Variants in GDPD1 observed in about 807,000 individuals in gnomAD.
GDPD1 encodes the protein glycerophosphodiester phosphodiesterase domain containing 1, also known as lysophospholipase D GDPD1.
A neutral mutation model predicts 45.1 loss-of-function variants in GDPD1; 28 were observed. That is an observed-to-expected ratio of 0.62 (90% CI 0.46 to 0.85). The LOEUF is 0.85. GDPD1 is among the 40% of genes least tolerant of loss of function. The pLI is 0.00. For synonymous variants in GDPD1, 139 were observed against 131.4 expected (o/e 1.06, Z -0.40); for missense variants, 256 against 364.8 (o/e 0.70, Z 2.43).
intron 2 of GDPD1, among the ~76,000 whole-genome samples, chr17:59,245,112 T>C (rs1241993846): frequency 6.6e-6 from 1 of 152,236 alleles, no homozygotes; most frequent in Non-Finnish European, 1.5e-5. Context: ...CCCAAAGTTA[T>C]GCAAATTCAC....
intron 3 of GDPD1, among the ~76,000 whole-genome samples, chr17:59,247,748 G>GC (rs1250297244): frequency 6.6e-6 from 1 of 151,652 alleles, no homozygotes; most frequent in African/African-American, 2.4e-5. Flanking sequence ...TCCTGCCTCA[G>GC]CCCCCCCAAA....
chr17:59,233,539 A>G (rs2047108639), intron 1 of GDPD1, among the ~76,000 whole-genome samples: 1 of 151,988 alleles, frequency 6.6e-6, no homozygotes, highest in East Asian at 1.9e-4. Context: ...AGAAAGAAAA[A>G]ACAAAAACAA....
chr17:59,247,538 C>T (rs566872902), intron 3 of GDPD1, among the ~76,000 whole-genome samples: 2 of 152,238 alleles, frequency 1.3e-5, no homozygotes, highest in South Asian at 4.2e-4. Flanking sequence ...TATAGTTATT[C>T]TCCTGTGTGG....
intron 6 of GDPD1, among the ~76,000 whole-genome samples, chr17:59,264,552 A>G (rs1237852681): frequency 6.6e-6 from 1 of 152,222 alleles, no homozygotes; most frequent in East Asian, 1.9e-4. Flanking sequence ...TTGGCCTCCC[A>G]AAGTGCTGGG....
chr17:59,262,618 A>G (rs2047365242), intron 6 of GDPD1, among the ~76,000 whole-genome samples: 2 of 147,326 alleles, frequency 1.4e-5, no homozygotes, highest in Non-Finnish European at 3.0e-5. Context: ...ACGGCTTTGT[A>G]TCTTGGTTTT....
intron 6 of GDPD1, among the ~76,000 whole-genome samples, chr17:59,260,084 A>G (rs2047343552): frequency 6.7e-6 from 1 of 148,268 alleles, no homozygotes; most frequent in South Asian, 2.2e-4. Context: ...AAAAAAAAAA[A>G]AAAAAAAAAA....
chr17:59,274,512 CAAAAAAAAA>C lies in GDPD1; in HGVS notation c.*755_*763del, dbSNP rs35411377. 0.42 allele frequency: 28,561 copies of C among 68,170 alleles called. 3,711 individuals are homozygous for C. Among genetic ancestry groups the C allele is most frequent in the African/African-American group, 0.5 (10,527 of 21,114 alleles). 4.2% of individuals were successfully genotyped at this position (68,170 alleles called of 1,614,324 possible). On this transcript the variant is annotated 3_prime_UTR_variant, in exon 10 of 10. Coordinates refer to ENST00000284116, the MANE Select transcript of GDPD1 (RefSeq NM_182569.4). ...TGGGAGACAGAGTGAGACTCCGTCT[CAAAAAAAAA>C]AAAAAAAAAAAAAAATGGGAGGCCG...
At chr17:59,252,509 G>C (rs1286794916) in intron 4 of GDPD1, among the ~76,000 whole-genome samples, 1 of 151,890 alleles carries the variant, frequency 6.6e-6, no homozygotes, top group Non-Finnish European at 1.5e-5. Context: ...AAAGGGCTGG[G>C]ATTAGTCATG....
intron 4 of GDPD1, among the ~76,000 whole-genome samples, chr17:59,253,560 G>A (rs1397358109): frequency 1.3e-5 from 2 of 152,010 alleles, no homozygotes; most frequent in African/African-American, 4.8e-5. Context: ...ACACATTTTA[G>A]TTTTCTCATT....
chr17:59,261,465 GA>G (rs1430304358), intron 6 of GDPD1, among the ~76,000 whole-genome samples: 1 of 151,688 alleles, frequency 6.6e-6, no homozygotes, highest in Non-Finnish European at 1.5e-5. Flanking sequence ...ACCTATAAAT[GA>G]TTTTTTTTAA....
At chr17:59,267,596 C>T (rs2047408216) in intron 7 of GDPD1, among the ~76,000 whole-genome samples, 1 of 151,632 alleles carries the variant, frequency 6.6e-6, no homozygotes, top group South Asian at 2.1e-4. Flanking sequence ...CCACCACCAC[C>T]ATAAAAACCT....
chr17:59,269,486 CA>C (rs1202072441), intron 7 of GDPD1, among the ~76,000 whole-genome samples: 54 of 135,244 alleles, frequency 4.0e-4, no homozygotes, highest in African/African-American at 1.5e-3. Flanking sequence ...CCCCCCCCCC[CA>C]AAAAACACCC....
rs749077536 is a variant in GDPD1 at position 59,246,709 on chromosome 17, C to CAAAAAAAAA, written c.321+1175_321+1183dup. Among the ~76,000 whole-genome samples, 8 of 27,560 alleles carry CAAAAAAAAA rather than the reference C, an allele frequency of 2.9e-4. 1 individual carries two copies. The highest frequency in any genetic ancestry group is 2.6e-3 in the South Asian group (1 of 388). The allele number at this position is 27,560 out of a possible 152,430, so 18.1% of individuals were successfully genotyped here. A position where few individuals can be genotyped will look rare whatever the true frequency, so the allele number is the denominator to read the frequency against. On this transcript the variant is annotated intron_variant, in intron 3 of 9. Transcript: ENST00000284116. ...GGTTGAAAAGAGCGAGACTCCATCT[C>CAAAAAAAAA]AAAAAAAAAAAAAAAAAAAAAAAGA...
At chr17:59,239,794 A>G (rs527385944) in intron 2 of GDPD1, among the ~76,000 whole-genome samples, 1 of 150,640 alleles carries the variant, frequency 6.6e-6, no homozygotes, top group African/African-American at 2.4e-5. Flanking sequence ...AGCATAGGAC[A>G]CACTGTTTTT....
intron 7 of GDPD1, among the ~76,000 whole-genome samples, chr17:59,268,598 A>AAAAAG (rs1568351880): frequency 2.7e-5 from 4 of 146,928 alleles, no homozygotes; most frequent in Admixed American, 6.8e-5. Flanking sequence ...AAAAAAAAAA[A>AAAAAG]AAAAGAAAAG....
At chr17:59,262,079 G>A (rs370990340) in intron 6 of GDPD1, among the ~76,000 whole-genome samples, 2,189 of 150,816 alleles carry the variant, frequency 0.015, 63 homozygotes, top group African/African-American at 0.05. Flanking sequence ...CACTACGCCC[G>A]GCTAATTTTT....
chr17:59,258,901 T>A (rs1419907895), intron 6 of GDPD1, among the ~76,000 whole-genome samples: 2 of 149,488 alleles, frequency 1.3e-5, no homozygotes, highest in East Asian at 4.0e-4. Flanking sequence ...GTGGGAGGAT[T>A]GCTTGAGCCC....
chr17:59,238,624 A>G (rs2047153122), intron 2 of GDPD1, among the ~76,000 whole-genome samples: 1 of 152,116 alleles, frequency 6.6e-6, no homozygotes, highest in African/African-American at 2.4e-5. Flanking sequence ...CATGTTAGCC[A>G]GGATGGCCCC....
chr17:59,247,986 A>G (rs1316895920), intron 3 of GDPD1, among the ~76,000 whole-genome samples: 1 of 152,020 alleles, frequency 6.6e-6, no homozygotes, highest in Non-Finnish European at 1.5e-5. Flanking sequence ...AGCTTTTTAT[A>G]TAGTTATTTA....
Sources: gnomAD v4.1 joint callset for allele counts (sites outside exome capture counted in the v4.1 genomes callset) on GRCh38, gnomAD v4.1.1 for gene constraint, MANE v1.5 for transcripts, NCBI Gene and HGNC (gene_info 2026-07-23, HGNC 2026-07-21) for gene names.